The following SHTN1 variants were observed in gnomAD, a reference collection of about 807,000 sequenced individuals.
SHTN1 encodes the protein shootin-1.
A neutral mutation model predicts 83.1 loss-of-function variants in SHTN1; 42 were observed. That is an observed-to-expected ratio of 0.51 (90% CI 0.39 to 0.65). The LOEUF (loss-of-function observed/expected upper bound fraction) is 0.65, where lower values mean the gene tolerates loss of function less well. SHTN1 is among the 30% of genes least tolerant of loss of function. SHTN1 has a pLI of 0.00. For synonymous variants in SHTN1, 224 were observed against 247.7 expected (o/e 0.90, Z 0.90); for missense variants, 622 against 737.8 (o/e 0.84, Z 1.82).
chr10:117,077,730 T>A (rs1328616988), intron 1 of SHTN1, among the ~76,000 whole-genome samples: 1 of 152,076 alleles, frequency 6.6e-6, no homozygotes, highest in African/African-American at 2.4e-5. Flanking sequence ...CATGCGGTGT[T>A]TGGTTTTTTG....
intron 1 of SHTN1, among the ~76,000 whole-genome samples, chr10:116,987,266 A>T (rs1851252022): frequency 1.3e-5 from 2 of 152,132 alleles, no homozygotes; most frequent in South Asian, 4.1e-4. Flanking sequence ...ACTAAGAGCT[A>T]ATGATAAAAC....
rs1248827528 is a variant in SHTN1, at chr10:116,881,720, G to A, written c.*4624C>T. The A allele has an allele frequency of 1.5e-6, 2 of 1,323,926 alleles. No individual in the cohort carries two copies. Among genetic ancestry groups the A allele is most frequent in the East Asian group, 2.9e-5 (1 of 33,956 alleles). 82.0% of individuals were successfully genotyped at this position (1,323,926 alleles called of 1,614,324 possible). On this transcript the variant is annotated 3_prime_UTR_variant, in exon 17 of 17. Transcript: ENST00000355371. ...CACACCATCAGTATTAGTAGACCGG[G>A]AGGTCTGAAGTACGGCGCCGTGTCT...
At chr10:117,012,783 T>C (rs755284704) in intron 2 of SHTN1, among the ~76,000 whole-genome samples, 218 of 152,322 alleles carry the variant, frequency 1.4e-3, no homozygotes, top group Non-Finnish European at 2.2e-3. Context: ...AGATTAACAA[T>C]ACCTGCCATA....
chr10:116,960,481 G>C (rs1850147130), intron 3 of SHTN1: 3 of 359,468 alleles, frequency 8.3e-6, no homozygotes, highest in Non-Finnish European at 1.5e-5. Flanking sequence ...CATTTTAAGA[G>C]CGCTATTTAG....
chr10:116,968,184 A>C (rs1235163306), intron 3 of SHTN1, among the ~76,000 whole-genome samples: 1 of 152,210 alleles, frequency 6.6e-6, no homozygotes, highest in Non-Finnish European at 1.5e-5. Flanking sequence ...CCATCTCAAA[A>C]AAACAAACAA....
chr10:117,005,798 G>A (rs1392210393), upstream of SHTN1, among the ~76,000 whole-genome samples: 1 of 152,250 alleles, frequency 6.6e-6, no homozygotes, highest in African/African-American at 2.4e-5. Context: ...GGTTTGCCAG[G>A]TGGTCAGAAC....
At chr10:116,975,363 A>G (rs937465075) in intron 2 of SHTN1, among the ~76,000 whole-genome samples, 23 of 152,320 alleles carry the variant, frequency 1.5e-4, no homozygotes, top group Non-Finnish European at 3.1e-4. Flanking sequence ...CAAGCATTAA[A>G]GGCTAGTAAA....
chr10:117,078,456 A>G (rs537526296), intron 1 of SHTN1, among the ~76,000 whole-genome samples: 2 of 152,298 alleles, frequency 1.3e-5, no homozygotes, highest in East Asian at 1.9e-4. Context: ...TGCCACACCT[A>G]TGAGAGTAGT....
At chr10:116,950,941 AATACGTTGGC>A (rs1269286121) in intron 6 of SHTN1, among the ~76,000 whole-genome samples, 2 of 152,190 alleles carry the variant, frequency 1.3e-5, no homozygotes, top group Admixed American at 1.3e-4. Context: ...TGACAGGATC[AATACGTTGGC>A]ATGCTCATAA....
chr10:117,070,304 G>A (rs527533923), intron 1 of SHTN1, among the ~76,000 whole-genome samples: 51 of 151,980 alleles, frequency 3.4e-4, no homozygotes, highest in Non-Finnish European at 6.3e-4. Flanking sequence ...ATAGTTTATC[G>A]CTAGAATTAA....
chr10:117,088,432 C>T (rs1326852051), intron 1 of SHTN1, among the ~76,000 whole-genome samples: 1 of 152,156 alleles, frequency 6.6e-6, no homozygotes, highest in Admixed American at 6.5e-5. Context: ...CTAACTTCTC[C>T]ATTTCCCTTT....
chr10:116,887,677 A>G (rs1847209819), intron 16 of SHTN1, among the ~76,000 whole-genome samples: 1 of 152,100 alleles, frequency 6.6e-6, no homozygotes, highest in African/African-American at 2.4e-5. Flanking sequence ...TGGACTTACC[A>G]CAATTGTTTC....
chr10:117,044,398 C>T (rs1394475934), intron 2 of SHTN1, among the ~76,000 whole-genome samples: 9 of 152,026 alleles, frequency 5.9e-5, no homozygotes, highest in Admixed American at 1.3e-4. Context: ...CTCACCTACA[C>T]GAAAGCCTTA....
intron 2 of SHTN1, among the ~76,000 whole-genome samples, chr10:116,975,063 C>T (rs1850750368): frequency 6.6e-6 from 1 of 152,122 alleles, no homozygotes; most frequent in African/African-American, 2.4e-5. Context: ...TACTTTTTCA[C>T]ATACTGCTAA....
chr10:116,940,022 CT>C (rs1196699011), intron 9 of SHTN1, among the ~76,000 whole-genome samples: 3 of 152,174 alleles, frequency 2.0e-5, no homozygotes, highest in Non-Finnish European at 4.4e-5. Flanking sequence ...CAAAAATTTT[CT>C]CTAAGCAAAC....
At chr10:117,039,611 T>G (rs910458351) in intron 2 of SHTN1, among the ~76,000 whole-genome samples, 1 of 151,944 alleles carries the variant, frequency 6.6e-6, no homozygotes, top group Admixed American at 6.6e-5. Flanking sequence ...TCCCAGCACT[T>G]TGGGAGGCTG....
intron 1 of SHTN1, among the ~76,000 whole-genome samples, chr10:117,102,015 AAAGAAG>A (rs540637238): frequency 6.6e-5 from 10 of 151,918 alleles, no homozygotes; most frequent in East Asian, 1.9e-4. Context: ...AGAAAAAAAA[AAAGAAG>A]AAGAAGAAGA....
chr10:116,909,301 A>C (rs1248690353), intron 14 of SHTN1, among the ~76,000 whole-genome samples: 1 of 152,216 alleles, frequency 6.6e-6, no homozygotes, highest in East Asian at 1.9e-4. Context: ...AATACTAACT[A>C]ATCTAATTGT....
chr10:117,016,937 A>G (rs1852188902), intron 2 of SHTN1, among the ~76,000 whole-genome samples: 1 of 152,168 alleles, frequency 6.6e-6, no homozygotes, highest in Non-Finnish European at 1.5e-5. Context: ...GAAGGCCTAG[A>G]AACAGTGATA....
Sources: gnomAD v4.1 joint callset for allele counts (sites outside exome capture counted in the v4.1 genomes callset) on GRCh38, gnomAD v4.1.1 for gene constraint, MANE v1.5 for transcripts, NCBI Gene and HGNC (gene_info 2026-07-23, HGNC 2026-07-21) for gene names.